AP3D1: variants seen among roughly 807,000 people sequenced by gnomAD.
The protein encoded by AP3D1 is AP-3 complex subunit delta-1.
AP3D1 carries 51 observed loss-of-function variants against 147.6 expected under a neutral mutation model. The ratio of observed to expected loss-of-function variants is 0.35; its 90% CI spans 0.28 to 0.44. The LOEUF is 0.44. Ranked by LOEUF, AP3D1 falls within the 20% of genes least tolerant of loss-of-function variation. The pLI, the probability that AP3D1 is intolerant of heterozygous loss-of-function variation, is 1.00. For missense variants in AP3D1, 1,421 were observed against 1,624.2 expected (o/e 0.87, Z 2.15); for synonymous variants, 760 against 663.0 (o/e 1.15, Z -2.25).
chr19:2,124,109 G>T (rs1431857997), intron 9 of AP3D1, among the ~76,000 whole-genome samples: 1 of 152,216 alleles, frequency 6.6e-6, no homozygotes, highest in Non-Finnish European at 1.5e-5. Flanking sequence ...TGACAGGATG[G>T]CTCGGGGCCT....
At chr19:2,164,165 C>A (rs1454999663) in intron 1 of AP3D1, 4 of 1,108,174 alleles carry the variant, frequency 3.6e-6, no homozygotes, top group Non-Finnish European at 4.4e-6. Flanking sequence ...TAGCATGGTG[C>A]GGCGGCCGCG....
rs145112803 is a variant in AP3D1, at chr19:2,146,289, G to A, written c.96+4950C>T. On this transcript the variant is annotated intron_variant, in intron 1 of 31. Coordinates refer to ENST00000643116, the MANE Select transcript of AP3D1 (RefSeq NM_001261826.3). ...AGTCAAGGAAATTAAACTTACAGAAGTCAGGATCATTACCATAATAATTAG... is the reference window on the plus strand; with the variant it reads ...AGTCAAGGAAATTAAACTTACAGAAATCAGGATCATTACCATAATAATTAG... Among the ~76,000 whole-genome samples the A allele has an allele frequency of 4.9e-3, 749 of 152,278 alleles. 7 individuals carry two copies. The highest frequency in any genetic ancestry group is 4.9e-3 in the Non-Finnish European group (332 of 68,020).
In AP3D1 at chr19:2,118,588, T is replaced by C; in HGVS notation, c.1713+13A>G. 6.3e-7 allele frequency: 1 copy of C among 1,599,896 alleles called. No individual in the cohort carries two copies. The highest frequency in any genetic ancestry group is 8.5e-7 in the Non-Finnish European group (1 of 1,176,060). On this transcript the variant is annotated intron_variant, in intron 15 of 31. Coordinates refer to ENST00000643116, the MANE Select transcript of AP3D1 (RefSeq NM_001261826.3). Reference sequence around the variant, plus strand: ...CCCTGAGGCTCGGCCCAACACGGAGTGTTGGATCTTACCCGCTCCTGCACC... The same window carrying C: ...CCCTGAGGCTCGGCCCAACACGGAGCGTTGGATCTTACCCGCTCCTGCACC...
chr19:2,115,712 C>T, intron 18 of AP3D1, 99 bp from the exon 19 acceptor site: 1 of 1,295,386 alleles, frequency 7.7e-7, no homozygotes, highest in Non-Finnish European at 1.1e-6. Context: ...GCCCCAACAT[C>T]CTAAGGAGCT....
chr19:2,141,720 G>A (rs548036621), intron 1 of AP3D1, among the ~76,000 whole-genome samples: 5 of 151,024 alleles, frequency 3.3e-5, no homozygotes, highest in South Asian at 2.1e-4. Flanking sequence ...GATTACAGGC[G>A]TGAGCCACCA....
intron 1 of AP3D1, among the ~76,000 whole-genome samples, chr19:2,146,769 A>T (rs1211987697): frequency 6.6e-6 from 1 of 152,106 alleles, no homozygotes; most frequent in East Asian, 1.9e-4. Flanking sequence ...ACAGGGACGC[A>T]TTCGGGAATT....
intron 1 of AP3D1, among the ~76,000 whole-genome samples, chr19:2,142,870 T>G (rs2019258484): frequency 2.0e-5 from 3 of 152,196 alleles, no homozygotes; most frequent in South Asian, 4.2e-4. Context: ...TCAAGTGTGA[T>G]TCTCCTGTCT....
intron 3 of AP3D1, 114 bp downstream of exon 3, chr19:2,137,613 G>T: frequency 1.1e-6 from 1 of 910,256 alleles, no homozygotes; most frequent in Admixed American, 2.1e-5. Flanking sequence ...TCCACCTTGG[G>T]TAACAGAGCT....
At chr19:2,131,733 C>A (rs112880664) in intron 5 of AP3D1, among the ~76,000 whole-genome samples, 9 of 68,294 alleles carry the variant, frequency 1.3e-4, no homozygotes, top group South Asian at 5.3e-4. Context: ...ACGCGGGGAC[C>A]GCGCCCATCG....
At chr19:2,141,566 C>T (rs575252905) in intron 1 of AP3D1, among the ~76,000 whole-genome samples, 6 of 150,794 alleles carry the variant, frequency 4.0e-5, no homozygotes, top group Admixed American at 1.3e-4. Context: ...CTCAGCCTCC[C>T]GAGTGGCTAC....
At chr19:2,155,969 C>T (rs574924396), upstream of AP3D1, among the ~76,000 whole-genome samples, 1 of 150,436 alleles carries the variant, frequency 6.6e-6, no homozygotes, top group Non-Finnish European at 1.5e-5. Context: ...AGGAGAATGG[C>T]GTGTACCCGG....
intron 1 of AP3D1, among the ~76,000 whole-genome samples, chr19:2,158,345 C>A (rs140889802): frequency 4.0e-5 from 6 of 150,192 alleles, no homozygotes; most frequent in East Asian, 3.9e-4. Flanking sequence ...CATGAGCCAA[C>A]GTGCTCGACC....
rs375471632 is a variant in AP3D1 at position 2,102,248 on chromosome 19, G to C, written c.3573C>G (p.Val1191=). 1 of 1,613,510 alleles carries C rather than the reference G, an allele frequency of 6.2e-7. No homozygotes were observed. The highest frequency in any genetic ancestry group is 8.5e-7 in the Non-Finnish European group (1 of 1,179,672). ...GCGTGGAGTCACTGCACTTCCCGTC[G>C]ACTGAGACAGAGTTCTCACCCTGTG... ...LVKKGENSVS[V]DGKCSDSTLL... Residue 1191 remains valine, a synonymous_variant, in exon 32 of 32, where the codon GTC becomes GTG. Coordinates refer to ENST00000643116, the MANE Select transcript of AP3D1 (RefSeq NM_001261826.3).
At chr19:2,152,788 A>C (rs1418851975), upstream of AP3D1, among the ~76,000 whole-genome samples, 1 of 151,406 alleles carries the variant, frequency 6.6e-6, no homozygotes, top group Non-Finnish European at 1.5e-5. Context: ...AGGCAGAAGA[A>C]TCTCTTGAAC....
chr19:2,102,758 A>C (rs953186633), intron 31 of AP3D1, among the ~76,000 whole-genome samples: 4 of 148,184 alleles, frequency 2.7e-5, no homozygotes, highest in East Asian at 3.9e-4. Flanking sequence ...TAAATAAATA[A>C]ATAAATAAAT....
intron 27 of AP3D1, 45 bp downstream of exon 27, chr19:2,110,662 G>A (rs772188359): frequency 3.7e-5 from 56 of 1,506,704 alleles, no homozygotes; most frequent in East Asian, 3.2e-4. Context: ...CTGCCACTGC[G>A]CTCCCACAGT....
chr19:2,151,196 G>T (rs778178452), intron 1 of AP3D1, 43 bp downstream of exon 1: 2 of 1,579,226 alleles, frequency 1.3e-6, no homozygotes, highest in Admixed American at 1.7e-5. Flanking sequence ...CCTGGGCCGG[G>T]GCTGTGACCA....
intron 1 of AP3D1, among the ~76,000 whole-genome samples, chr19:2,161,017 A>C (rs1461459153): frequency 6.6e-6 from 1 of 151,946 alleles, no homozygotes; most frequent in Non-Finnish European, 1.5e-5. Context: ...CCCATGATCC[A>C]CCACCCTGCT....
At position 2,102,284 on chromosome 19, in the gene AP3D1, A is replaced by T. The variant is rs772894971; in HGVS notation, c.3553-16T>A. Reference sequence around the variant, plus strand: ...AGTTCTCACCCTGTGTAAGGAAAAAAGATGGATATTTTAAAAGTGTGTGCA... The same window carrying T: ...AGTTCTCACCCTGTGTAAGGAAAAATGATGGATATTTTAAAAGTGTGTGCA... On this transcript the variant is annotated splice_polypyrimidine_tract_variant and intron_variant, in intron 31 of 31. Transcript: ENST00000643116. 5.0e-6 allele frequency: 8 copies of T among 1,603,392 alleles called. No individual in the cohort carries two copies. Among genetic ancestry groups the T allele is most frequent in the Non-Finnish European group, 4.3e-6 (5 of 1,170,666 alleles).
Sources: gnomAD v4.1 joint callset for allele counts (sites outside exome capture counted in the v4.1 genomes callset) on GRCh38, gnomAD v4.1.1 for gene constraint, MANE v1.5 for transcripts, NCBI Gene and HGNC (gene_info 2026-07-23, HGNC 2026-07-21) for gene names.